IDE: variants seen among roughly 807,000 people sequenced by gnomAD.
The protein encoded by IDE is insulin degrading enzyme.
Under a neutral mutation model 133.2 loss-of-function variants are expected in IDE, and 58 were observed. The ratio of observed to expected loss-of-function variants is 0.44; its 90% CI spans 0.35 to 0.54. The LOEUF is 0.54. Among genes scored for constraint, IDE ranks in the 20% least tolerant of loss-of-function variants. The probability of loss-of-function intolerance (pLI) is 0.00; values close to 1 mark genes in which losing one functional copy is unlikely to be tolerated. For synonymous variants in IDE, 396 were observed against 421.3 expected (o/e 0.94, Z 0.73); for missense variants, 981 against 1,234.0 (o/e 0.79, Z 3.07).
intron 14 of IDE, among the ~76,000 whole-genome samples, chr10:92,481,721 A>T (rs1223054200): frequency 6.6e-6 from 1 of 152,220 alleles, no homozygotes; most frequent in Non-Finnish European, 1.5e-5. Context: ...TACAAGAAAC[A>T]GAACAGTGGT....
chr10:92,519,261 C>G (rs1377313131), intron 4 of IDE, among the ~76,000 whole-genome samples: 1 of 152,108 alleles, frequency 6.6e-6, no homozygotes, highest in Non-Finnish European at 1.5e-5. Context: ...CCTAAGAAAC[C>G]ATGTATGGAG....
rs1848503569 is a variant in IDE at position 92,510,058 on chromosome 10, GTTC to G, written c.886_888del (p.Glu296del). The G allele has an allele frequency of 1.9e-6, 3 of 1,546,566 alleles. No individual in the cohort carries two copies. The highest frequency in any genetic ancestry group is 2.7e-6 in the Non-Finnish European group (3 of 1,123,282). On this transcript the variant is annotated inframe_deletion, in exon 6 of 25. Coordinates refer to ENST00000265986, the MANE Select transcript of IDE (RefSeq NM_004969.4). ...AAAATTTATGCACTTACTTTAAGAT[GTTC>G]TTCTTGGAAAGGGTGTTCAGGAAAT...
chr10:92,477,366 G>GTT (rs1846324549), intron 15 of IDE, among the ~76,000 whole-genome samples: 1 of 151,846 alleles, frequency 6.6e-6, no homozygotes, highest in Non-Finnish European at 1.5e-5. Flanking sequence ...TTGCCCAGGA[G>GTT]GCTGGTCTCG....
intron 13 of IDE, among the ~76,000 whole-genome samples, chr10:92,486,588 G>A (rs928954441): frequency 2.0e-5 from 3 of 151,854 alleles, no homozygotes; most frequent in African/African-American, 4.8e-5. Context: ...GAAGAAATAC[G>A]TTTAGAAGGG....
intron 1 of IDE, among the ~76,000 whole-genome samples, chr10:92,548,986 T>C (rs961892469): frequency 6.6e-6 from 1 of 152,114 alleles, no homozygotes; most frequent in African/African-American, 2.4e-5. Flanking sequence ...GAAAGAATTA[T>C]ATGATCCACA....
intron 21 of IDE, among the ~76,000 whole-genome samples, chr10:92,462,347 G>A (rs1367518776): frequency 1.3e-5 from 2 of 148,306 alleles, no homozygotes; most frequent in African/African-American, 5.0e-5. Context: ...AAGGCCAGGT[G>A]CAGTGGCTCA....
chr10:92,454,602 T>A (rs4646958), intron 24 of IDE, 63 bp from the exon 25 acceptor site: 126,119 of 1,234,528 alleles, frequency 0.1, 7,521 homozygotes, highest in Admixed American at 0.21. Flanking sequence ...GGACATCAAC[T>A]TTTTTTGGCG....
chr10:92,567,703 G>A lies in IDE; in HGVS notation c.98+6219C>T, dbSNP rs1202679287. Among the ~76,000 whole-genome samples the A allele has an allele frequency of 2.6e-5, 4 of 152,222 alleles. No homozygotes were observed. The South Asian group carries it at 8.3e-4, about 32-fold the overall frequency. On this transcript the variant is annotated intron_variant, in intron 1 of 24. Coordinates refer to ENST00000265986, the MANE Select transcript of IDE (RefSeq NM_004969.4). Reference sequence around the variant, plus strand: ...TAAAATATTTTCTCTTCTGGTTGTGGTGGCTTATGCCTGTAATCACAGCAC... The same window carrying A: ...TAAAATATTTTCTCTTCTGGTTGTGATGGCTTATGCCTGTAATCACAGCAC...
chr10:92,513,817 G>A (rs563014301), intron 5 of IDE, among the ~76,000 whole-genome samples: 24 of 151,842 alleles, frequency 1.6e-4, no homozygotes, highest in Non-Finnish European at 3.4e-4. Context: ...ACGAGCCCAG[G>A]TACTGAGGAT....
chr10:92,482,310 T>C (rs1275938358), intron 14 of IDE, among the ~76,000 whole-genome samples: 4 of 152,104 alleles, frequency 2.6e-5, no homozygotes, highest in Non-Finnish European at 5.9e-5. Flanking sequence ...ACTCACAAAG[T>C]AAAATCTGAA....
intron 14 of IDE, chr10:92,480,465 G>A (rs891781652): frequency 1.3e-5 from 2 of 152,216 alleles, no homozygotes; most frequent in Non-Finnish European, 2.9e-5. Context: ...AGCAGGGTAA[G>A]GGGAATAGGG....
intron 1 of IDE, among the ~76,000 whole-genome samples, chr10:92,566,852 A>G (rs1843578709): frequency 6.6e-6 from 1 of 152,220 alleles, no homozygotes; most frequent in Non-Finnish European, 1.5e-5. Flanking sequence ...ATTAGCTACT[A>G]AATCTTTTAT....
intron 17 of IDE, 27 bp downstream of exon 17, chr10:92,474,814 C>T (rs1195893708): frequency 6.3e-7 from 1 of 1,586,838 alleles, no homozygotes; most frequent in Non-Finnish European, 8.5e-7. Context: ...ATGAAGAAAG[C>T]ATTAAGCTTT....
At chr10:92,486,365 A>G (rs1846996511) in intron 13 of IDE, among the ~76,000 whole-genome samples, 1 of 152,194 alleles carries the variant, frequency 6.6e-6, no homozygotes, top group South Asian at 2.1e-4. Flanking sequence ...AAAGAAAAGA[A>G]AATAAAGAAA....
At chr10:92,512,874 C>T (rs926643662) in intron 5 of IDE, among the ~76,000 whole-genome samples, 5 of 152,172 alleles carry the variant, frequency 3.3e-5, no homozygotes, top group Admixed American at 6.6e-5. Flanking sequence ...GTGGCTACTA[C>T]TGTTTATGGA....
chr10:92,549,359 C>T (rs1036291645), intron 1 of IDE, among the ~76,000 whole-genome samples: 1 of 152,090 alleles, frequency 6.6e-6, no homozygotes, highest in African/African-American at 2.4e-5. Context: ...GGATGAAAAT[C>T]AATGCAACCA....
At chr10:92,530,261 C>A (rs537528779) in intron 4 of IDE, among the ~76,000 whole-genome samples, 4 of 148,888 alleles carry the variant, frequency 2.7e-5, no homozygotes, top group Non-Finnish European at 6.0e-5. Context: ...AATAAATAAC[C>A]ATTTGAATGT....
chr10:92,457,306 C>G (rs1845084949), intron 22 of IDE, among the ~76,000 whole-genome samples: 1 of 152,258 alleles, frequency 6.6e-6, no homozygotes, highest in African/African-American at 2.4e-5. Flanking sequence ...CTGAGTCCTG[C>G]GTTATATCAG....
intron 5 of IDE, among the ~76,000 whole-genome samples, chr10:92,510,378 A>C (rs1261908939): frequency 6.6e-6 from 1 of 152,198 alleles, no homozygotes; most frequent in Non-Finnish European, 1.5e-5. Flanking sequence ...AAATTAAAAC[A>C]AATATTAGAA....
Sources: allele counts gnomAD v4.1 joint callset (sites outside exome capture counted in the v4.1 genomes callset), GRCh38; gene constraint gnomAD v4.1.1; transcripts MANE v1.5; gene names NCBI Gene and HGNC (gene_info 2026-07-23, HGNC 2026-07-21).